The following PKNOX2 variants were observed in gnomAD, a reference collection of about 807,000 sequenced individuals.
PKNOX2 encodes the protein homeobox protein PKNOX2.
Under a neutral mutation model 53.1 loss-of-function variants are expected in PKNOX2, and 14 were observed. That is an observed-to-expected ratio of 0.26 (90% CI 0.17 to 0.41). The LOEUF (loss-of-function observed/expected upper bound fraction) is 0.41. PKNOX2 is among the 10% of genes least tolerant of loss of function. The pLI is 1.00. For missense variants in PKNOX2, 496 were observed against 602.8 expected (o/e 0.82, Z 1.85); for synonymous variants, 257 against 242.8 (o/e 1.06, Z -0.54).
At chr11:125,310,570 A>C (rs1948742632) in intron 2 of PKNOX2, among the ~76,000 whole-genome samples, 2 of 152,138 alleles carry the variant, frequency 1.3e-5, no homozygotes, top group African/African-American at 4.8e-5. Flanking sequence ...AGTAATGCCA[A>C]ACTTACTGTT....
In PKNOX2 at chr11:125,254,697, T is replaced by A. The variant is rs549405256; in HGVS notation, c.-130+19582T>A. Among the ~76,000 whole-genome samples, 181 of 152,216 alleles carry A rather than the reference T, an allele frequency of 1.2e-3. 2 individuals are homozygous for A. The highest frequency in any genetic ancestry group is 3.4e-3 in the Middle Eastern group (1 of 294). ...GTCAAAGCTGAGCCCCAGGTGCAGG[T>A]GAGTAACATGGCATCCCCTGCTTGC... On this transcript the variant is annotated intron_variant, in intron 2 of 12. Transcript: ENST00000298282.
At chr11:125,305,031 C>A (rs892153252) in intron 2 of PKNOX2, among the ~76,000 whole-genome samples, 4 of 152,196 alleles carry the variant, frequency 2.6e-5, no homozygotes, top group African/African-American at 9.7e-5. Context: ...TTCAAGTTCT[C>A]CGAGCTAGTA....
At chr11:125,226,963 G>A (rs754669821) in intron 1 of PKNOX2, among the ~76,000 whole-genome samples, 6 of 151,826 alleles carry the variant, frequency 4.0e-5, no homozygotes, top group Non-Finnish European at 7.4e-5. Flanking sequence ...TCTCTGTCAG[G>A]CCTTGGCTCC....
intron 2 of PKNOX2, among the ~76,000 whole-genome samples, chr11:125,322,525 C>G (rs924761504): frequency 2.0e-5 from 3 of 152,210 alleles, no homozygotes; most frequent in African/African-American, 4.8e-5. Flanking sequence ...TGACCACCTT[C>G]CCCGCCCCAC....
chr11:125,412,114 G>A (rs1955594109), intron 10 of PKNOX2, among the ~76,000 whole-genome samples: 1 of 152,252 alleles, frequency 6.6e-6, no homozygotes, highest in Non-Finnish European at 1.5e-5. Flanking sequence ...ATGGGGTAAT[G>A]GGGACAAGTG....
chr11:125,176,954 C>T (rs913591296), intron 1 of PKNOX2, among the ~76,000 whole-genome samples: 15 of 152,294 alleles, frequency 9.8e-5, no homozygotes, highest in Middle Eastern at 3.4e-3. Flanking sequence ...GCATCCCTTC[C>T]GCATTCTTCC....
chr11:125,406,416 C>A (rs11220050), intron 7 of PKNOX2, among the ~76,000 whole-genome samples: 1 of 152,208 alleles, frequency 6.6e-6, no homozygotes, highest in Admixed American at 6.5e-5. Context: ...TGCCTGCGTG[C>A]GCAACCCCAG....
chr11:125,396,150 C>T (rs1310592784), intron 6 of PKNOX2, among the ~76,000 whole-genome samples: 1 of 152,010 alleles, frequency 6.6e-6, no homozygotes, highest in East Asian at 1.9e-4. Context: ...TATGGGGTTT[C>T]ACCATGTTGG....
intron 7 of PKNOX2, among the ~76,000 whole-genome samples, chr11:125,402,417 G>A (rs921054101): frequency 6.6e-6 from 1 of 152,156 alleles, no homozygotes; most frequent in African/African-American, 2.4e-5. Context: ...CCTCACTCAA[G>A]TATTAGTTTG....
intron 2 of PKNOX2, among the ~76,000 whole-genome samples, chr11:125,269,003 C>T (rs901678840): frequency 4.6e-5 from 7 of 152,088 alleles, no homozygotes; most frequent in East Asian, 1.9e-4. Context: ...TTCTCATGCC[C>T]CTTTTTACCT....
chr11:125,300,086 G>A (rs1435687474), intron 2 of PKNOX2, among the ~76,000 whole-genome samples: 1 of 152,238 alleles, frequency 6.6e-6, no homozygotes, highest in Non-Finnish European at 1.5e-5. Context: ...GCACCTGTCT[G>A]GCCTTCGGGG....
At chr11:125,312,943 G>C (rs1012573408) in intron 2 of PKNOX2, among the ~76,000 whole-genome samples, 8 of 152,166 alleles carry the variant, frequency 5.3e-5, no homozygotes, top group Non-Finnish European at 8.8e-5. Flanking sequence ...GATGAACAGA[G>C]GCATAAGGAA....
intron 2 of PKNOX2, among the ~76,000 whole-genome samples, chr11:125,286,478 G>A (rs1946905489): frequency 6.6e-6 from 1 of 152,204 alleles, no homozygotes; most frequent in Admixed American, 6.5e-5. Flanking sequence ...AGTAAGTTTT[G>A]CTAGCCTACG....
At chr11:125,424,471 G>A (rs528839389) in intron 10 of PKNOX2, among the ~76,000 whole-genome samples, 27 of 152,268 alleles carry the variant, frequency 1.8e-4, no homozygotes, top group African/African-American at 6.5e-4. Context: ...CTTCCTCTGG[G>A]TCTCTGGCCC....
At position 125,339,302 on chromosome 11, in the gene PKNOX2, G is replaced by A. The variant is rs528064574; in HGVS notation, c.-23+7377G>A. On this transcript the variant is annotated intron_variant, in intron 3 of 12. Coordinates refer to ENST00000298282, the MANE Select transcript of PKNOX2 (RefSeq NM_001382323.2). ...CCTGGAATCTCTCTGGGCTGAGAGCGGAAGAGAAGACTCTGAAGTGAACAG... is the reference window on the plus strand; with the variant it reads ...CCTGGAATCTCTCTGGGCTGAGAGCAGAAGAGAAGACTCTGAAGTGAACAG... 1.1e-4 allele frequency among the ~76,000 whole-genome samples: 17 copies of A among 152,290 alleles called. 1 individual carries two copies. The South Asian group carries it at 2.5e-3, about 22-fold the overall frequency.
intron 10 of PKNOX2, 31 bp from the exon 11 acceptor site, chr11:125,428,981 A>G (rs1363202188): frequency 2.5e-6 from 4 of 1,583,334 alleles, no homozygotes; most frequent in African/African-American, 2.7e-5. Context: ...GCATATGCCC[A>G]GCCCTCACTA....
At chr11:125,381,951 T>C (rs76714153) in intron 5 of PKNOX2, among the ~76,000 whole-genome samples, 2,718 of 152,290 alleles carry the variant, frequency 0.018, 74 homozygotes, top group East Asian at 0.11. Flanking sequence ...TGCTCCTCCC[T>C]GCAGAAGCAA....
chr11:125,344,955 T>C (rs1292523769), intron 3 of PKNOX2, among the ~76,000 whole-genome samples: 2 of 152,128 alleles, frequency 1.3e-5, no homozygotes, highest in Admixed American at 1.3e-4. Context: ...CCTCCTTCAG[T>C]AACATAGATA....
intron 3 of PKNOX2, among the ~76,000 whole-genome samples, chr11:125,335,296 T>C (rs1950377462): frequency 6.6e-6 from 1 of 152,232 alleles, no homozygotes; most frequent in African/African-American, 2.4e-5. Context: ...GCTTGTCTGC[T>C]GTTTCCTGAC....
Sources: allele counts gnomAD v4.1 joint callset (sites outside exome capture counted in the v4.1 genomes callset), GRCh38; gene constraint gnomAD v4.1.1; transcripts MANE v1.5; gene names NCBI Gene and HGNC (gene_info 2026-07-23, HGNC 2026-07-21).